CAMK1D: variants seen among roughly 807,000 people sequenced by gnomAD.
CAMK1D encodes the protein calcium/calmodulin dependent protein kinase ID, also known as calcium/calmodulin-dependent protein kinase type 1D.
In CAMK1D, 9 loss-of-function variants were observed where a neutral mutation model predicts 47.7. The observed-to-expected ratio is 0.19, with a 90% CI of 0.11 to 0.33. The LOEUF (loss-of-function observed/expected upper bound fraction) is 0.33. CAMK1D is among the 10% of genes least tolerant of loss of function. The pLI is 1.00. For missense variants in CAMK1D, 291 were observed against 488.7 expected (o/e 0.60, Z 3.81); for synonymous variants, 184 against 184.9 (o/e 0.99, Z 0.04).
chr10:12,797,893 A>G (rs1838261561), intron 6 of CAMK1D, among the ~76,000 whole-genome samples: 2 of 152,166 alleles, frequency 1.3e-5, no homozygotes, highest in African/African-American at 4.8e-5. Flanking sequence ...ACCCCTCAAA[A>G]TACTCTGGTG....
intron 1 of CAMK1D, among the ~76,000 whole-genome samples, chr10:12,406,722 CAAAA>C (rs3061400): frequency 3.9e-4 from 27 of 69,244 alleles, no homozygotes; most frequent in African/African-American, 1.8e-3. Context: ...GACCCTGTCT[CAAAA>C]AAAAAAAAAA....
chr10:12,536,545 C>T (rs973338194), intron 1 of CAMK1D, among the ~76,000 whole-genome samples: 6 of 152,216 alleles, frequency 3.9e-5, no homozygotes, highest in Admixed American at 3.9e-4. Flanking sequence ...TCCCACAGTG[C>T]TGGGATTACA....
intron 3 of CAMK1D, among the ~76,000 whole-genome samples, chr10:12,753,317 G>A (rs553319686): frequency 1.3e-5 from 2 of 152,264 alleles, no homozygotes; most frequent in South Asian, 2.1e-4. Context: ...TAATACATTC[G>A]AGAACATCTG....
At chr10:12,623,682 G>A (rs1564452631) in intron 2 of CAMK1D, among the ~76,000 whole-genome samples, 1 of 151,886 alleles carries the variant, frequency 6.6e-6, no homozygotes, top group Non-Finnish European at 1.5e-5. Flanking sequence ...AGCTTAGGCT[G>A]AGTGACACAC....
At position 12,554,715 on chromosome 10, in the gene CAMK1D, T is replaced by A. The variant is rs551603886; in HGVS notation, c.224+1359T>A. Among the ~76,000 whole-genome samples the A allele has an allele frequency of 3.2e-3, 394 of 122,114 alleles. 2 individuals carry two copies. The highest frequency in any genetic ancestry group is 3.5e-3 in the Non-Finnish European group (181 of 51,514). The allele number at this position is 122,114 out of a possible 152,430, so 80.1% of individuals were successfully genotyped here. A position where few individuals can be genotyped will look rare whatever the true frequency, so the allele number is the denominator to read the frequency against. On this transcript the variant is annotated intron_variant, in intron 2 of 10. Transcript: ENST00000619168. Reference sequence around the variant, plus strand: ...TTATGCCTGGCTAATTAAAAAAAAATTTTTTTTTTAAGAGATGGAGGGCTC... The same window carrying A: ...TTATGCCTGGCTAATTAAAAAAAAAATTTTTTTTTAAGAGATGGAGGGCTC...
At chr10:12,727,561 A>G (rs192283665) in intron 3 of CAMK1D, among the ~76,000 whole-genome samples, 4 of 152,338 alleles carry the variant, frequency 2.6e-5, no homozygotes, top group Non-Finnish European at 5.9e-5. Context: ...AACAGACAAC[A>G]GTGTCTTCTG....
intron 1 of CAMK1D, among the ~76,000 whole-genome samples, chr10:12,359,871 T>G (rs1837610917): frequency 6.6e-6 from 1 of 152,216 alleles, no homozygotes; most frequent in Admixed American, 6.5e-5. Context: ...CATAAGCATA[T>G]GTAACCATTT....
intron 1 of CAMK1D, among the ~76,000 whole-genome samples, chr10:12,374,942 CAAAAAAAAAAA>C (rs71384315): frequency 1.1e-5 from 1 of 94,552 alleles, no homozygotes; most frequent in Non-Finnish European, 2.0e-5. Flanking sequence ...GACTCCGTCT[CAAAAAAAAAAA>C]AAAAAAAAAA....
At chr10:12,522,820 CGG>C in intron 1 of CAMK1D, among the ~76,000 whole-genome samples, 1 of 92,382 alleles carries the variant, frequency 1.1e-5, no homozygotes, top group Non-Finnish European at 2.3e-5. Flanking sequence ...GCTGGCCGGG[CGG>C]AGGCGCCCCC....
In CAMK1D at chr10:12,543,804, CT is replaced by C. The variant is rs565583046; in HGVS notation, c.93-9419del. 5.1e-4 allele frequency among the ~76,000 whole-genome samples: 77 copies of C among 152,298 alleles called. No individual in the cohort carries two copies. The South Asian group carries it at 0.014, about 28-fold the overall frequency. On this transcript the variant is annotated intron_variant, in intron 1 of 10. Coordinates refer to ENST00000619168, the MANE Select transcript of CAMK1D (RefSeq NM_153498.4). ...GTCGCTTGGACCTCAGATCGTTTCACTTGGAGAGGACTGAGAGAGGACTGGG... is the reference window on the plus strand; with the variant it reads ...GTCGCTTGGACCTCAGATCGTTTCACTGGAGAGGACTGAGAGAGGACTGGG...
At position 12,751,782 on chromosome 10, in the gene CAMK1D, CGGCACGCAGCA is replaced by C. The variant is rs557259816; in HGVS notation, c.300-9163_300-9153del. On this transcript the variant is annotated intron_variant, in intron 3 of 10. Coordinates refer to ENST00000619168, the MANE Select transcript of CAMK1D (RefSeq NM_153498.4). ...CTCTGCAGGTCCCAGCCTCAGCAGCCGGCACGCAGCAGGGAAGCCATGTGGTGGGCGGCTGG... is the reference window on the plus strand; with the variant it reads ...CTCTGCAGGTCCCAGCCTCAGCAGCCGGGAAGCCATGTGGTGGGCGGCTGG... Among the ~76,000 whole-genome samples, 321 of 152,238 alleles carry C rather than the reference CGGCACGCAGCA, an allele frequency of 2.1e-3. 1 individual carries two copies. The highest frequency in any genetic ancestry group is 7.0e-3 in the African/African-American group (290 of 41,528).
At chr10:12,360,458 C>T (rs1837625322) in intron 1 of CAMK1D, among the ~76,000 whole-genome samples, 1 of 152,202 alleles carries the variant, frequency 6.6e-6, no homozygotes, top group Non-Finnish European at 1.5e-5. Flanking sequence ...CCAGCGTCCC[C>T]TGCCCCCAAA....
intron 2 of CAMK1D, among the ~76,000 whole-genome samples, chr10:12,636,260 C>G (rs529281252): frequency 3.9e-5 from 6 of 152,100 alleles, no homozygotes; most frequent in Non-Finnish European, 8.8e-5. Flanking sequence ...GGTGCTATAC[C>G]AGGTATTTTA....
chr10:12,496,364 C>G (rs967792582), intron 1 of CAMK1D, among the ~76,000 whole-genome samples: 1 of 152,160 alleles, frequency 6.6e-6, no homozygotes, highest in Non-Finnish European at 1.5e-5. Context: ...GTCGTTGTGG[C>G]TCTTCATGGC....
rs1053946826 is a variant in CAMK1D at position 12,670,620 on chromosome 10, T to C, written c.299+3810T>C. Among the ~76,000 whole-genome samples, 11 of 152,200 alleles carry C rather than the reference T, an allele frequency of 7.2e-5. No homozygotes were observed. The East Asian group carries it at 1.9e-3, about 27-fold the overall frequency. On this transcript the variant is annotated intron_variant, in intron 3 of 10. Coordinates refer to ENST00000619168, the MANE Select transcript of CAMK1D (RefSeq NM_153498.4). ...CGGAGTGCAATGGCGTGATCTTGGCTCACTGCAACCTCTGCCTCCCGGGTT... is the reference window on the plus strand; with the variant it reads ...CGGAGTGCAATGGCGTGATCTTGGCCCACTGCAACCTCTGCCTCCCGGGTT...
intron 3 of CAMK1D, among the ~76,000 whole-genome samples, chr10:12,692,144 A>G (rs1832954731): frequency 6.6e-6 from 1 of 152,196 alleles, no homozygotes; most frequent in East Asian, 1.9e-4. Context: ...TATTAAGAGC[A>G]CTTGTTTGAT....
At position 12,666,980 on chromosome 10, in the gene CAMK1D, A is replaced by C. The variant is rs115105847; in HGVS notation, c.299+170A>C. On this transcript the variant is annotated intron_variant, in intron 3 of 10. Coordinates refer to ENST00000619168, the MANE Select transcript of CAMK1D (RefSeq NM_153498.4). ...TATCCAACTAAAGACGGTGGGCTGCACACAGGCGTCTACAGGCCTCCCTTG... is the reference window on the plus strand; with the variant it reads ...TATCCAACTAAAGACGGTGGGCTGCCCACAGGCGTCTACAGGCCTCCCTTG... The C allele has an allele frequency of 2.8e-3, 1,697 of 607,930 alleles. 21 individuals carry two copies. Among genetic ancestry groups the C allele is most frequent in the African/African-American group, 0.027 (1,484 of 54,044 alleles). 37.7% of individuals were successfully genotyped at this position (607,930 alleles called of 1,614,324 possible).
intron 1 of CAMK1D, among the ~76,000 whole-genome samples, chr10:12,458,039 C>T (rs1833309087): frequency 6.6e-6 from 1 of 152,154 alleles, no homozygotes; most frequent in South Asian, 2.1e-4. Flanking sequence ...CCAGGGAATG[C>T]CTTTGACTTT....
intron 1 of CAMK1D, among the ~76,000 whole-genome samples, chr10:12,492,925 C>A (rs893460076): frequency 2.0e-5 from 3 of 152,122 alleles, no homozygotes; most frequent in African/African-American, 7.2e-5. Context: ...TTTTAAAGTC[C>A]CACTCCCTCT....
Sources: gnomAD v4.1 joint callset for allele counts (sites outside exome capture counted in the v4.1 genomes callset) on GRCh38, gnomAD v4.1.1 for gene constraint, MANE v1.5 for transcripts, NCBI Gene and HGNC (gene_info 2026-07-23, HGNC 2026-07-21) for gene names.